Variants in PRELID2 observed in about 807,000 individuals in gnomAD.
PRELID2 encodes PRELI domain-containing protein 2.
Under a neutral mutation model 28.4 loss-of-function variants are expected in PRELID2, and 25 were observed. That is an observed-to-expected ratio of 0.88 (90% CI 0.64 to 1.23). The LOEUF is 1.23. Ranked by LOEUF, PRELID2 falls within the 50% of genes most tolerant of loss-of-function variation. The pLI is 0.00. For synonymous variants in PRELID2, 76 were observed against 71.6 expected (o/e 1.06, Z -0.31); for missense variants, 201 against 214.4 (o/e 0.94, Z 0.39).
the PRELID2 span, among the ~76,000 whole-genome samples, chr5:145,329,731 G>A: frequency 6.6e-6 from 1 of 152,176 alleles, no homozygotes; most frequent in East Asian, 1.9e-4. Context: ...TGCAAACAGA[G>A]ACAACTTGGC....
At chr5:145,697,993 A>T (rs151163902) in intron 1 of PRELID2, among the ~76,000 whole-genome samples, 6,226 of 149,972 alleles carry the variant, frequency 0.042, 182 homozygotes, top group South Asian at 0.1. Context: ...CCTCAAAAAA[A>T]ATATATATAT....
At chr5:145,787,538 G>A (rs905149868) in intron 5 of PRELID2, among the ~76,000 whole-genome samples, 17 of 87,980 alleles carry the variant, frequency 1.9e-4, no homozygotes, top group Admixed American at 1.9e-3. Context: ...ATATTGAAAA[G>A]AGGCAACAAT....
the PRELID2 span, among the ~76,000 whole-genome samples, chr5:145,294,275 G>A: frequency 6.6e-6 from 1 of 151,958 alleles, no homozygotes; most frequent in Non-Finnish European, 1.5e-5. Context: ...AACATCTATA[G>A]AATAATCAGA....
intron 3 of PRELID2, chr5:145,819,474 A>G: frequency 9.3e-7 from 1 of 1,069,962 alleles, no homozygotes; most frequent in African/African-American, 1.6e-5. Flanking sequence ...ATATTACTTT[A>G]GAGAAATACA....
intron 1 of PRELID2, among the ~76,000 whole-genome samples, chr5:145,740,216 G>A (rs530979966): frequency 6.4e-5 from 8 of 125,020 alleles, no homozygotes; most frequent in African/African-American, 2.3e-4. Context: ...TTAGTGCAAA[G>A]AAAAGTACTA....
chr5:145,266,780 G>A, the PRELID2 span, among the ~76,000 whole-genome samples: 1 of 152,024 alleles, frequency 6.6e-6, no homozygotes, highest in African/African-American at 2.4e-5. Flanking sequence ...CAAATATATG[G>A]AACCAGCCCA....
intron 1 of PRELID2, among the ~76,000 whole-genome samples, chr5:145,544,724 A>G (rs895304435): frequency 1.3e-5 from 2 of 152,168 alleles, no homozygotes; most frequent in African/African-American, 4.8e-5. Context: ...CACTAGAACT[A>G]TAATGAGCTC....
At chr5:145,247,566 C>G in the PRELID2 span, among the ~76,000 whole-genome samples, 3 of 152,130 alleles carry the variant, frequency 2.0e-5, no homozygotes, top group South Asian at 4.1e-4. Context: ...AAAGGTTGCT[C>G]TGTATATGCT....
the PRELID2 span, among the ~76,000 whole-genome samples, chr5:145,282,100 T>A: frequency 3.5e-4 from 53 of 152,326 alleles, no homozygotes; most frequent in African/African-American, 1.2e-3. Flanking sequence ...TCAAGTGATG[T>A]AATCACCCAG....
the PRELID2 span, among the ~76,000 whole-genome samples, chr5:145,327,052 T>C: frequency 6.6e-6 from 1 of 152,040 alleles, no homozygotes; most frequent in Non-Finnish European, 1.5e-5. Flanking sequence ...TCTCAAAATC[T>C]CTTAAGGCCT....
chr5:145,825,225 CAAAAAAAAAAAAAAAAAA>C (rs56818178), intron 1 of PRELID2, among the ~76,000 whole-genome samples: 5,563 of 60,732 alleles, frequency 0.092, 232 homozygotes, highest in South Asian at 0.17. Flanking sequence ...GACTCTGTCT[CAAAAAAAAAAAAAAAAAA>C]AAAAAAAAAA....
At chr5:145,642,528 C>T (rs1479833279) in intron 1 of PRELID2, among the ~76,000 whole-genome samples, 1 of 152,180 alleles carries the variant, frequency 6.6e-6, no homozygotes, top group African/African-American at 2.4e-5. Context: ...AATTAGATCT[C>T]ATTTGTCAAT....
exon 2 of PRELID2, chr5:145,473,225 T>A (rs1251834829): frequency 1.3e-5 from 2 of 152,204 alleles, no homozygotes; most frequent in African/African-American, 2.4e-5. Flanking sequence ...GGGTTTTGGA[T>A]CCACGCCAGA....
At chr5:145,694,394 A>C (rs992213941) in intron 1 of PRELID2, among the ~76,000 whole-genome samples, 3 of 152,156 alleles carry the variant, frequency 2.0e-5, no homozygotes, top group Non-Finnish European at 4.4e-5. Context: ...TGATTTTTAA[A>C]ATATTTTAAT....
intron 6 of PRELID2, among the ~76,000 whole-genome samples, chr5:145,761,165 T>G (rs1434897287): frequency 5.3e-5 from 8 of 152,222 alleles, no homozygotes; most frequent in Admixed American, 5.2e-4. Flanking sequence ...TGTCTCCTTA[T>G]GCAGATTTCT....
chr5:145,638,484 A>T (rs944797947), intron 1 of PRELID2, among the ~76,000 whole-genome samples: 1 of 152,134 alleles, frequency 6.6e-6, no homozygotes, highest in Non-Finnish European at 1.5e-5. Context: ...ATTAATTTAG[A>T]TGTTAACTGT....
At chr5:145,509,097 T>G (rs1255893181) in intron 1 of PRELID2, among the ~76,000 whole-genome samples, 1 of 152,178 alleles carries the variant, frequency 6.6e-6, no homozygotes, top group South Asian at 2.1e-4. Flanking sequence ...AGTAGGTATT[T>G]GCATCCTGGG....
chr5:145,669,626 T>C (rs1754666031), intron 1 of PRELID2, among the ~76,000 whole-genome samples: 1 of 152,150 alleles, frequency 6.6e-6, no homozygotes, highest in African/African-American at 2.4e-5. Context: ...TTTAAAATCC[T>C]CAGCAGATAT....
the PRELID2 span, among the ~76,000 whole-genome samples, chr5:145,242,667 G>A: frequency 6.6e-6 from 1 of 152,022 alleles, no homozygotes; most frequent in Non-Finnish European, 1.5e-5. Flanking sequence ...GTAACCAATA[G>A]GATGCATTTG....
Sources: gnomAD v4.1 joint callset for allele counts (sites outside exome capture counted in the v4.1 genomes callset) on GRCh38, gnomAD v4.1.1 for gene constraint, MANE v1.5 for transcripts, NCBI Gene and HGNC (gene_info 2026-07-23, HGNC 2026-07-21) for gene names.